CFAP47: variants seen among roughly 807,000 people sequenced by gnomAD.
CFAP47 encodes cilia- and flagella-associated protein 47.
A neutral mutation model predicts 148.1 loss-of-function variants in CFAP47; 29 were observed. The observed-to-expected ratio is 0.20, with a 90% confidence interval of 0.15 to 0.27. CFAP47 has a LOEUF of 0.27. Among genes scored for constraint, CFAP47 ranks in the 10% least tolerant of loss-of-function variants. The pLI is 1.00. For missense variants in CFAP47, 1,872 were observed against 1,697.5 expected (o/e 1.10, Z -1.81); for synonymous variants, 664 against 577.3 (o/e 1.15, Z -2.15).
intron 48 of CFAP47, among the ~76,000 whole-genome samples, chrX:36,247,633 A>G (rs991244220): frequency 1.3e-4 from 14 of 111,169 alleles, no homozygotes; most frequent in African/African-American, 4.6e-4. Flanking sequence ...GATGCTAGTT[A>G]TAAAACCCAA....
chrX:36,104,739 T>G (rs1278883159), intron 33 of CFAP47, 48 bp downstream of exon 33: 1 of 464,324 alleles, frequency 2.2e-6, no homozygotes, highest in South Asian at 5.9e-5. Context: ...AATTGTAGTG[T>G]GATGATGGAG....
intron 33 of CFAP47, among the ~76,000 whole-genome samples, chrX:36,127,540 T>G (rs552498233): frequency 1.8e-5 from 2 of 111,731 alleles, no homozygotes; most frequent in African/African-American, 6.5e-5. Flanking sequence ...TGCCTCTAGC[T>G]TTGTTCTTCT....
At position 36,207,102 on chromosome X, in the gene CFAP47, C is replaced by G. The variant is rs72628197; in HGVS notation, c.6817+1992C>G. On this transcript the variant is annotated intron_variant, in intron 45 of 63. Transcript: ENST00000378653. ...AGGCATGCCCTAAACTCTGTGCATT[C>G]TGCTGTTCAGAGGTGGACTTGAATA... Among the ~76,000 whole-genome samples, 3 of 111,907 alleles carry G rather than the reference C, an allele frequency of 2.7e-5. No individual in the cohort carries two copies. In the East Asian group the frequency reaches 8.4e-4, roughly 31 times the overall value.
chrX:36,078,269 G>A (rs1385483702), intron 29 of CFAP47, among the ~76,000 whole-genome samples: 2 of 110,278 alleles, frequency 1.8e-5, no homozygotes, highest in East Asian at 2.9e-4. Context: ...GTTAATCTTC[G>A]GTCTCGTAGA....
chrX:36,282,017 GT>G (rs1569307716), intron 50 of CFAP47, among the ~76,000 whole-genome samples: 1 of 110,180 alleles, frequency 9.1e-6, no homozygotes, highest in Non-Finnish European at 1.9e-5. Flanking sequence ...ATAAGAGTTC[GT>G]TTGTATTTTG....
At chrX:36,272,737 A>C (rs1296677650) in intron 49 of CFAP47, among the ~76,000 whole-genome samples, 2 of 111,637 alleles carry the variant, frequency 1.8e-5, no homozygotes, top group African/African-American at 6.5e-5. Context: ...AACACTTACA[A>C]AAGTGTCTTG....
intron 11 of CFAP47, 107 bp downstream of exon 11, chrX:35,971,030 A>C (rs1419240950): frequency 2.1e-5 from 12 of 567,149 alleles, no homozygotes; most frequent in Non-Finnish European, 3.0e-5. Context: ...TGTAAACTAC[A>C]TTTCAATACG....
At chrX:35,935,570 C>CT (rs200513683) in intron 2 of CFAP47, among the ~76,000 whole-genome samples, 3,519 of 89,391 alleles carry the variant, frequency 0.039, 182 homozygotes, top group African/African-American at 0.12. Flanking sequence ...TACGAAGTTG[C>CT]TTTTTTTTTT....
Position 35,993,259 on chromosome X carries a change from A to G in CFAP47, c.3037A>G (p.Ile1013Val). 3.4e-6 allele frequency: 1 copy of G among 296,793 alleles called. No homozygotes were observed. Among genetic ancestry groups the G allele is most frequent in the Non-Finnish European group, 5.9e-6 (1 of 169,636 alleles). The allele number at this position is 296,793 out of a possible 1,213,427, so 24.5% of individuals were successfully genotyped here. Reference sequence around the variant, plus strand: ...GCAAGGAATAGTTCCATTTGGGGGAATAACTGTTCTCAATATCTCCTGTAA... The same window carrying G: ...GCAAGGAATAGTTCCATTTGGGGGAGTAACTGTTCTCAATATCTCCTGTAA... ...PSQGIVPFGG[I>V]TVLNISCKPT... Residue 1013 changes from isoleucine to valine, a missense_variant, in exon 18 of 64, where the codon ATA becomes GTA. Coordinates refer to ENST00000378653, the MANE Select transcript of CFAP47 (RefSeq NM_001304548.2).
At chrX:36,304,675 T>C (rs1941332100) in intron 54 of CFAP47, among the ~76,000 whole-genome samples, 1 of 110,510 alleles carries the variant, frequency 9.0e-6, no homozygotes. Context: ...TTCTTGCCCA[T>C]CCCCCATTCC....
chrX:36,039,970 G>T (rs1879944211), intron 25 of CFAP47, among the ~76,000 whole-genome samples: 1 of 111,692 alleles, frequency 9.0e-6, no homozygotes, highest in African/African-American at 3.2e-5. Flanking sequence ...TATATATAGT[G>T]GGAGGCTATG....
At chrX:36,181,049 G>T (rs1939744138) in intron 40 of CFAP47, among the ~76,000 whole-genome samples, 1 of 111,802 alleles carries the variant, frequency 8.9e-6, no homozygotes, top group South Asian at 3.7e-4. Flanking sequence ...TGTAGATTTT[G>T]CCTGAATGGA....
intron 39 of CFAP47, among the ~76,000 whole-genome samples, chrX:36,176,944 T>C (rs1267019016): frequency 8.9e-6 from 1 of 112,079 alleles, no homozygotes; most frequent in Non-Finnish European, 1.9e-5. Flanking sequence ...GGGCAAACTA[T>C]ATTAAAAGCA....
intron 42 of CFAP47, among the ~76,000 whole-genome samples, chrX:36,199,385 A>G (rs1297649948): frequency 1.8e-5 from 2 of 112,158 alleles, no homozygotes; most frequent in African/African-American, 3.2e-5. Flanking sequence ...ATCTTTCACT[A>G]TATCATGTTG....
rs1936393034 is a variant in CFAP47 at position 35,965,781 on chromosome X, C to T, written c.1411-784C>T. On this transcript the variant is annotated intron_variant, in intron 8 of 63. Transcript: ENST00000378653. ...CTGGTAGTGAGGCGTTTGGAGTGTT[C>T]CAAACTCATTCTTTTCCCTCTTTTG... Among the ~76,000 whole-genome samples the T allele has an allele frequency of 2.7e-5, 3 of 110,818 alleles. No individual in the cohort carries two copies. In the South Asian group the frequency reaches 1.1e-3, roughly 42 times the overall value.
Position 35,971,755 on chromosome X carries a change from G to C in CFAP47, c.2140G>C (p.Glu714Gln), listed in dbSNP as rs1222070004. The C allele has an allele frequency of 8.3e-7, 1 of 1,207,952 alleles. No homozygotes were observed. The highest frequency in any genetic ancestry group is 2.2e-5 in the Admixed American group (1 of 45,571). The change falls in exon 12 of 64, where the codon GAG (glutamate) becomes CAG (glutamine). Residue 714 changes from glutamate (E) to glutamine (Q), a missense_variant. Coordinates refer to ENST00000378653, the MANE Select transcript of CFAP47 (RefSeq NM_001304548.2). ...TTRGIASQEE[E>Q]SVRRKVLKGL... ...CAGGGGTATAGCATCTCAGGAGGAAGAGTCTGTGAGAAGAAAGGCACGTGC... is the reference window on the plus strand; with the variant it reads ...CAGGGGTATAGCATCTCAGGAGGAACAGTCTGTGAGAAGAAAGGCACGTGC...
intron 15 of CFAP47, among the ~76,000 whole-genome samples, chrX:35,987,118 G>A (rs1936726512): frequency 1.8e-5 from 2 of 111,845 alleles, no homozygotes; most frequent in African/African-American, 6.5e-5. Flanking sequence ...CTGTCCCTTA[G>A]CAGAGCTCGA....
chrX:36,202,175 T>G (rs782179359), intron 44 of CFAP47, among the ~76,000 whole-genome samples: 1 of 111,578 alleles, frequency 9.0e-6, no homozygotes, highest in African/African-American at 3.3e-5. Context: ...ACTATTGCTA[T>G]AGACTCTATC....
At chrX:36,071,647 G>A (rs1937753961) in intron 27 of CFAP47, among the ~76,000 whole-genome samples, 178 bp from the exon 28 acceptor site, 1 of 110,900 alleles carries the variant, frequency 9.0e-6, no homozygotes, top group South Asian at 3.7e-4. Context: ...TTTCCTATTT[G>A]ACATCTTATT....
Sources: allele counts gnomAD v4.1 joint callset (sites outside exome capture counted in the v4.1 genomes callset), GRCh38; gene constraint gnomAD v4.1.1; transcripts MANE v1.5; gene names NCBI Gene and HGNC (gene_info 2026-07-23, HGNC 2026-07-21).